The following NRXN1 variants were observed in gnomAD, a reference collection of about 807,000 sequenced individuals.
NRXN1 encodes neurexin 1, also known as neurexin-1.
A neutral mutation model predicts 150.9 loss-of-function variants in NRXN1; 39 were observed. The ratio of observed to expected loss-of-function variants is 0.26; its 90% CI spans 0.20 to 0.34. The LOEUF is 0.34. NRXN1 is among the 10% of genes least tolerant of loss of function. The pLI is 1.00. For missense variants in NRXN1, 1,815 were observed against 1,949.9 expected (o/e 0.93, Z 1.30); for synonymous variants, 924 against 757.0 (o/e 1.22, Z -3.62).
At chr2:50,868,220 A>G (rs1414235084) in intron 5 of NRXN1, among the ~76,000 whole-genome samples, 2 of 147,938 alleles carry the variant, frequency 1.4e-5, no homozygotes, top group African/African-American at 5.0e-5. Context: ...CTATGCAGCC[A>G]TAAAAAGAAT....
rs1462183707 is a variant in NRXN1 at position 50,840,546 on chromosome 2, G to T, written c.832+81323C>A. 2.0e-5 allele frequency among the ~76,000 whole-genome samples: 3 copies of T among 152,098 alleles called. No individual in the cohort carries two copies. The East Asian group carries it at 5.8e-4, about 29-fold the overall frequency. On this transcript the variant is annotated intron_variant, in intron 5 of 22. Coordinates refer to ENST00000401669, the MANE Select transcript of NRXN1 (RefSeq NM_001330078.2). ...AGGAAAAACACGTCTCGGCTTGCCTGACAGACCAATTTCAATTACGTACTT... is the reference window on the plus strand; with the variant it reads ...AGGAAAAACACGTCTCGGCTTGCCTTACAGACCAATTTCAATTACGTACTT...
intron 2 of NRXN1, among the ~76,000 whole-genome samples, chr2:51,012,209 A>G (rs1364175082): frequency 4.6e-5 from 7 of 152,030 alleles, no homozygotes; most frequent in Non-Finnish European, 1.0e-4. Flanking sequence ...CTCAGTATTT[A>G]TTAATCTAAA....
intron 5 of NRXN1, among the ~76,000 whole-genome samples, chr2:50,871,157 T>A (rs1677725991): frequency 2.0e-5 from 3 of 151,894 alleles, no homozygotes; most frequent in Admixed American, 2.0e-4. Context: ...AAAATAGAGA[T>A]CTACGGAATT....
chr2:50,021,128 C>T lies in NRXN1; in HGVS notation c.4128+32143G>A, dbSNP rs557755025. Among the ~76,000 whole-genome samples, 16 of 152,248 alleles carry T rather than the reference C, an allele frequency of 1.1e-4. No homozygotes were observed. In the South Asian group the frequency reaches 3.3e-3, roughly 32 times the overall value. ...ATAAGCTTTTGCAAAGTGTTGAATT[C>T]CAGTAAGCACTTTCAGAAGGGGTAA... On this transcript the variant is annotated intron_variant, in intron 21 of 22. Transcript: ENST00000401669.
chr2:50,778,906 T>A (rs1703995593), intron 5 of NRXN1, among the ~76,000 whole-genome samples: 2 of 152,162 alleles, frequency 1.3e-5, no homozygotes, highest in Admixed American at 1.3e-4. Flanking sequence ...GTTTTAGAAA[T>A]TAAAAATAAA....
intron 19 of NRXN1, among the ~76,000 whole-genome samples, chr2:50,073,807 C>G (rs544069062): frequency 6.6e-6 from 1 of 152,080 alleles, no homozygotes; most frequent in South Asian, 2.1e-4. Context: ...TGATTAGAAA[C>G]AGATGTCATA....
At chr2:49,974,900 T>C (rs1441215524) in intron 21 of NRXN1, among the ~76,000 whole-genome samples, 1 of 151,932 alleles carries the variant, frequency 6.6e-6, no homozygotes. Context: ...AACAAATGTA[T>C]TATTCAATGA....
intron 5 of NRXN1, among the ~76,000 whole-genome samples, chr2:50,910,102 C>T (rs1489764834): frequency 6.6e-6 from 1 of 151,730 alleles, no homozygotes; most frequent in African/African-American, 2.4e-5. Flanking sequence ...AATTCTCTTT[C>T]TGCCCCCTTC....
chr2:50,236,731 C>G, intron 18 of NRXN1, 58 bp downstream of exon 18: 1 of 1,539,626 alleles, frequency 6.5e-7, no homozygotes, highest in Non-Finnish European at 9.0e-7. Context: ...ATTATAAATT[C>G]TTTACAAAAA....
intron 17 of NRXN1, among the ~76,000 whole-genome samples, chr2:50,388,744 TTATCA>T (rs917927171): frequency 3.3e-5 from 5 of 151,814 alleles, no homozygotes; most frequent in African/African-American, 1.2e-4. Flanking sequence ...CATTCTTTTC[TTATCA>T]TATTTCAGAG....
At chr2:50,137,153 T>C (rs1010275032) in intron 18 of NRXN1, among the ~76,000 whole-genome samples, 2 of 152,148 alleles carry the variant, frequency 1.3e-5, no homozygotes, top group Non-Finnish European at 2.9e-5. Context: ...AATCATTCCA[T>C]AATGTGAACA....
chr2:50,763,122 G>A (rs1037606256), intron 5 of NRXN1, among the ~76,000 whole-genome samples: 1 of 151,832 alleles, frequency 6.6e-6, no homozygotes. Context: ...TGATACCACA[G>A]TCCTATCTCA....
chr2:50,528,633 C>A lies in NRXN1; in HGVS notation c.2366G>T (p.Cys789Phe). Reference protein sequence around the residue: ...TVNLDCIRINCNSSKGPETLF... With the variant: ...TVNLDCIRINFNSSKGPETLF... ...TTTGAATAGGCACTTACTGGAATTA[C>A]AGTTAATCCTGATACAATCTAGATG... is the stretch of plus-strand genomic sequence containing the variant. The change falls in exon 12 of 23, where the codon TGT (cysteine) becomes TTT (phenylalanine). Residue 789 changes from cysteine to phenylalanine, a missense_variant. Physicochemically the swap from Cys to Phe is radical, Grantham distance 205. This residue lies in a region of NRXN1 where 638 missense variants were observed against 652.6 expected (regional missense o/e 0.98). Coordinates refer to ENST00000401669, the MANE Select transcript of NRXN1 (RefSeq NM_001330078.2). The A allele has an allele frequency of 6.5e-7, 1 of 1,544,538 alleles. No individual in the cohort carries two copies.
intron 9 of NRXN1, among the ~76,000 whole-genome samples, chr2:50,544,543 A>C (rs932114598): frequency 2.6e-5 from 4 of 152,120 alleles, no homozygotes; most frequent in Non-Finnish European, 5.9e-5. Context: ...AACTTCAGGA[A>C]TTAAATCAAT....
At chr2:50,028,244 G>C (rs573494443) in intron 21 of NRXN1, among the ~76,000 whole-genome samples, 1 of 152,198 alleles carries the variant, frequency 6.6e-6, no homozygotes, top group Non-Finnish European at 1.5e-5. Context: ...GATATACTGA[G>C]GGAGCTTTTA....
intron 5 of NRXN1, among the ~76,000 whole-genome samples, chr2:50,659,082 T>A (rs1364370898): frequency 6.6e-6 from 1 of 151,986 alleles, no homozygotes; most frequent in Non-Finnish European, 1.5e-5. Flanking sequence ...AGTCCTCCAC[T>A]TTGCTCCCCA....
Position 50,921,849 on chromosome 2 carries a change from GA to G in NRXN1, c.832+19del. The G allele has an allele frequency of 8.0e-7, 1 of 1,255,038 alleles. No homozygotes were observed. Among genetic ancestry groups the G allele is most frequent in the Non-Finnish European group, 1.1e-6 (1 of 925,260 alleles). The allele number at this position is 1,255,038 out of a possible 1,614,324, so 77.7% of individuals were successfully genotyped here. On this transcript the variant is annotated intron_variant, in intron 5 of 22. Coordinates refer to ENST00000401669, the MANE Select transcript of NRXN1 (RefSeq NM_001330078.2). The stretch of plus-strand genomic sequence containing the variant: ...TAATTCATACAGATGATATTAAGAA[GA>G]AATAAAATAATGTAATACCTTTACT...
At chr2:51,018,411 C>G (rs1669078246) in intron 2 of NRXN1, among the ~76,000 whole-genome samples, 1 of 152,060 alleles carries the variant, frequency 6.6e-6, no homozygotes, top group African/African-American at 2.4e-5. Context: ...CAGGTCAGCA[C>G]TTTGGCTTGC....
At chr2:50,794,193 G>T (rs930761732) in intron 5 of NRXN1, among the ~76,000 whole-genome samples, 1 of 152,086 alleles carries the variant, frequency 6.6e-6, no homozygotes, top group South Asian at 2.1e-4. Context: ...TGTTACATCC[G>T]ACTGAAACAG....
Sources: allele counts gnomAD v4.1 joint callset (sites outside exome capture counted in the v4.1 genomes callset), GRCh38; gene constraint gnomAD v4.1.1; regional missense constraint gnomAD v4.1.1; transcripts MANE v1.5; gene names NCBI Gene and HGNC (gene_info 2026-07-23, HGNC 2026-07-21).